Variants in ABCC11 observed in about 807,000 individuals in gnomAD.
ABCC11 encodes ATP binding cassette subfamily C member 11, also known as ATP-binding cassette sub-family C member 11.
Under a neutral mutation model 149.3 loss-of-function variants are expected in ABCC11, and 135 were observed. The observed-to-expected ratio is 0.90, with a 90% confidence interval of 0.79 to 1.04. The LOEUF (loss-of-function observed/expected upper bound fraction) is 1.04. Among genes scored for constraint, ABCC11 ranks in the 50% least tolerant of loss-of-function variants. The pLI, the probability that ABCC11 is intolerant of heterozygous loss-of-function variation, is 0.00. For missense variants in ABCC11, 1,680 were observed against 1,722.1 expected, an observed-to-expected ratio of 0.98 and a Z score of 0.43; for synonymous variants, 665 against 671.4, an observed-to-expected ratio of 0.99 and a Z score of 0.15.
At chr16:48,178,800 G>T in intron 23 of ABCC11, 114 bp from the exon 24 acceptor site, 1 of 895,226 alleles carries the variant, frequency 1.1e-6, no homozygotes, top group Non-Finnish European at 1.7e-6. Context: ...CTGAAACTAA[G>T]ATAATTTTCC....
In ABCC11 at chr16:48,238,527, G is replaced by A. The variant is rs1970790834; in HGVS notation, c.-18-6588C>T. Reference sequence around the variant, plus strand: ...TGCTGGACTTCACATTGGAGAAAATGTTCCACCTGCAACCTAAGGCCAAAC... The same window carrying A: ...TGCTGGACTTCACATTGGAGAAAATATTCCACCTGCAACCTAAGGCCAAAC... On this transcript the variant is annotated intron_variant, in intron 1 of 29. Transcript: ENST00000356608. Among the ~76,000 whole-genome samples the A allele has an allele frequency of 4.6e-5, 7 of 151,960 alleles. No individual in the cohort carries two copies. In the South Asian group the frequency reaches 1.2e-3, roughly 27 times the overall value.
At chr16:48,177,200 G>C in intron 24 of ABCC11, 87 bp from the exon 25 acceptor site, 1 of 1,379,188 alleles carries the variant, frequency 7.3e-7, no homozygotes, top group Non-Finnish European at 9.8e-7. Context: ...CCGCTGTAGG[G>C]GGTGTGACCC....
rs1053133960 is a variant in ABCC11 at position 48,165,997 on chromosome 16, C to T, written c.*1277G>A. Among the ~76,000 whole-genome samples, 5 of 152,292 alleles carry T rather than the reference C, an allele frequency of 3.3e-5. No individual in the cohort carries two copies. Among genetic ancestry groups the T allele is most frequent in the Non-Finnish European group, 2.9e-5 (2 of 68,038 alleles). On this transcript the variant is annotated 3_prime_UTR_variant, in exon 30 of 30. Coordinates refer to ENST00000356608, the MANE Select transcript of ABCC11 (RefSeq NM_001370497.1). ...AATTATTTTATTTTCAGTTGTCATA[C>T]GTTGTAAGTTATGCTGCTCTTCAGT...
intron 26 of ABCC11, among the ~76,000 whole-genome samples, chr16:48,174,297 C>T (rs1965897426): frequency 6.6e-6 from 1 of 152,160 alleles, no homozygotes; most frequent in African/African-American, 2.4e-5. Flanking sequence ...GGCAGAAGCT[C>T]AGAAAAGGCA....
In ABCC11 at chr16:48,198,077, G is replaced by C. The variant is rs2150809153; in HGVS notation, c.2218-10C>G. 6.2e-7 allele frequency: 1 copy of C among 1,614,188 alleles called. No individual in the cohort carries two copies. On this transcript the variant is annotated splice_polypyrimidine_tract_variant and intron_variant, in intron 16 of 29. Coordinates refer to ENST00000356608, the MANE Select transcript of ABCC11 (RefSeq NM_001370497.1). Reference sequence around the variant, plus strand: ...TGTCCTGCAACATGTCCTGGGGAGAGAGCACAGGCCCTGAGTACACGTGCG... The same window carrying C: ...TGTCCTGCAACATGTCCTGGGGAGACAGCACAGGCCCTGAGTACACGTGCG...
At position 48,222,684 on chromosome 16, in the gene ABCC11, C is replaced by T; in HGVS notation, c.691G>A (p.Ala231Thr). ...SSSWIINQRTAIRFRAAVSSF... is the reference protein window; with the variant it reads ...SSSWIINQRTTIRFRAAVSSF... ...GAAACAGCTGCTCGGAACCTGATGG[C>T]TGTGCGTTGGTTGATGATCCAACTG... Residue 231 changes from alanine (A) to threonine (T), a missense_variant, in exon 6 of 30, where the codon GCC becomes ACC. Transcript: ENST00000356608. 1 of 1,614,206 alleles carries T rather than the reference C, an allele frequency of 6.2e-7. No homozygotes were observed. Among genetic ancestry groups the T allele is most frequent in the South Asian group, 1.1e-5 (1 of 91,078 alleles).
chr16:48,234,568 G>GGGCTGTGGCT (rs1312583635), intron 1 of ABCC11, among the ~76,000 whole-genome samples: 1 of 152,076 alleles, frequency 6.6e-6, no homozygotes, highest in Non-Finnish European at 1.5e-5. Context: ...AGTGCTCTAT[G>GGGCTGTGGCT]GGCTGTGGCT....
rs1970461756 is a variant in ABCC11 at position 48,232,183 on chromosome 16, C to A, written c.-18-244G>T. 7 of 785,562 alleles carry A rather than the reference C, an allele frequency of 8.9e-6. No homozygotes were observed. The Admixed American group carries it at 2.6e-4, about 29-fold the overall frequency. The allele number at this position is 785,562 out of a possible 1,614,324, so 48.7% of individuals were successfully genotyped here. On this transcript the variant is annotated intron_variant, in intron 1 of 29. Coordinates refer to ENST00000356608, the MANE Select transcript of ABCC11 (RefSeq NM_001370497.1). Reference sequence around the variant, plus strand: ...TTCTCTAACCACCCTCCCCAACCCACCCCCAACACCGCACCCTTGATCCTG... The same window carrying A: ...TTCTCTAACCACCCTCCCCAACCCAACCCCAACACCGCACCCTTGATCCTG...
At chr16:48,214,065 G>A (rs539236312) in intron 9 of ABCC11, among the ~76,000 whole-genome samples, 31 of 152,112 alleles carry the variant, frequency 2.0e-4, no homozygotes, top group Middle Eastern at 6.8e-3. Context: ...AGGCTCTCAG[G>A]ACCCAGAAGG....
chr16:48,177,498 T>C (rs1475440202), intron 24 of ABCC11, among the ~76,000 whole-genome samples: 3 of 152,242 alleles, frequency 2.0e-5, no homozygotes, highest in Non-Finnish European at 2.9e-5. Context: ...CCTCATCCTA[T>C]GAGACAGGCC....
chr16:48,194,724 G>A (rs1482226271), intron 18 of ABCC11, among the ~76,000 whole-genome samples: 1 of 152,128 alleles, frequency 6.6e-6, no homozygotes, highest in Non-Finnish European at 1.5e-5. Flanking sequence ...TCCCCTCCAG[G>A]GATGGAGGAC....
In ABCC11 at chr16:48,239,333, C is replaced by T. The variant is rs146365203; in HGVS notation, c.-18-7394G>A. On this transcript the variant is annotated intron_variant, in intron 1 of 29. Coordinates refer to ENST00000356608, the MANE Select transcript of ABCC11 (RefSeq NM_001370497.1). ...ATCCCAGGACTTTGGGAGGCTGAGG[C>T]GGGCGGATCACGAGGTCAGGAGATC... Among the ~76,000 whole-genome samples the T allele has an allele frequency of 6.6e-3, 1,004 of 152,128 alleles. 12 individuals are homozygous for T. The highest frequency in any genetic ancestry group is 0.023 in the African/African-American group (948 of 41,516).
At chr16:48,227,698 A>C in intron 4 of ABCC11, 108 bp downstream of exon 4, 1 of 1,463,510 alleles carries the variant, frequency 6.8e-7, no homozygotes, top group Non-Finnish European at 9.5e-7. Flanking sequence ...AGGAAGAGCC[A>C]AGTCGTCTGG....
chr16:48,244,019 ATAAT>A (rs1971172039), intron 1 of ABCC11, among the ~76,000 whole-genome samples: 1 of 152,214 alleles, frequency 6.6e-6, no homozygotes, highest in East Asian at 1.9e-4. Flanking sequence ...AAATAAATAA[ATAAT>A]TAGTTCGAAT....
intron 11 of ABCC11, chr16:48,210,566 C>A: frequency 1.1e-5 from 2 of 185,678 alleles, no homozygotes; most frequent in Admixed American, 5.4e-5. Flanking sequence ...GAGAAAGAAC[C>A]AGATAAGGTG....
intron 23 of ABCC11, among the ~76,000 whole-genome samples, chr16:48,183,610 A>C (rs1471175200): frequency 6.6e-6 from 1 of 152,206 alleles, no homozygotes. Context: ...CAAAAATACA[A>C]AAATGAGCCG....
chr16:48,196,269 A>G lies in ABCC11; in HGVS notation c.2367T>C (p.Ser789=), dbSNP rs1451857606. 1.2e-6 allele frequency: 2 copies of G among 1,613,942 alleles called. No homozygotes were observed. The highest frequency in any genetic ancestry group is 1.7e-6 in the Non-Finnish European group (2 of 1,180,014). ...GGATGTAGTGGTGGTAGACCCTCCA[A>G]CTCAAGGAGCCTTCTTCCATCTCCT... ...QEEEMEEGSL[S]WRVYHHYIQA... The change falls in exon 18 of 30, where the codon AGT becomes AGC. Residue 789 remains serine, a synonymous_variant. Coordinates refer to ENST00000356608, the MANE Select transcript of ABCC11 (RefSeq NM_001370497.1).
At chr16:48,207,687 AG>A (rs2150846615) in intron 12 of ABCC11, among the ~76,000 whole-genome samples, 1 of 152,058 alleles carries the variant, frequency 6.6e-6, no homozygotes, top group South Asian at 2.1e-4. Flanking sequence ...AGGGAAGGGA[AG>A]GGAAGGAAAG....
At chr16:48,224,148 T>C in intron 5 of ABCC11, 134 bp downstream of exon 5, 1 of 1,213,586 alleles carries the variant, frequency 8.2e-7, no homozygotes, top group Non-Finnish European at 1.1e-6. Flanking sequence ...CCTCAAAAGG[T>C]CTTCATTTTC....
Sources: allele counts gnomAD v4.1 joint callset (sites outside exome capture counted in the v4.1 genomes callset), GRCh38; gene constraint gnomAD v4.1.1; transcripts MANE v1.5; gene names NCBI Gene and HGNC (gene_info 2026-07-23, HGNC 2026-07-21).